RASA3: variants seen among roughly 807,000 people sequenced by gnomAD.
RASA3 encodes RAS p21 protein activator 3, also known as ras GTPase-activating protein 3.
Under a neutral mutation model 110.0 loss-of-function variants are expected in RASA3, and 73 were observed. That is an observed-to-expected ratio of 0.66 (90% CI 0.55 to 0.81). The LOEUF is 0.81. Among genes scored for constraint, RASA3 ranks in the 30% least tolerant of loss-of-function variants. The pLI is 0.00. For missense variants in RASA3, 976 were observed against 1,113.2 expected (o/e 0.88, Z 1.75); for synonymous variants, 500 against 451.4 (o/e 1.11, Z -1.37).
Position 114,132,582 on chromosome 13 carries a change from C to T in RASA3, c.-93G>A. ...AGGAGGAGCGGCGGCGCCGGAGCCCCGAGCGCGGCCGAGGGTCCGCCCGCC... is the reference window on the plus strand; with the variant it reads ...AGGAGGAGCGGCGGCGCCGGAGCCCTGAGCGCGGCCGAGGGTCCGCCCGCC... On this transcript the variant is annotated 5_prime_UTR_variant, in exon 1 of 24. Coordinates refer to ENST00000334062, the MANE Select transcript of RASA3 (RefSeq NM_007368.4). The T allele has an allele frequency of 9.1e-7, 1 of 1,098,098 alleles. No homozygotes were observed. The highest frequency in any genetic ancestry group is 1.1e-6 in the Non-Finnish European group (1 of 876,782). The allele number at this position is 1,098,098 out of a possible 1,614,324, so 68.0% of individuals were successfully genotyped here. A position where few individuals can be genotyped will look rare whatever the true frequency, so the allele number is the denominator to read the frequency against.
chr13:114,104,699 C>T (rs543009353), intron 1 of RASA3, among the ~76,000 whole-genome samples: 17 of 152,144 alleles, frequency 1.1e-4, no homozygotes, highest in Non-Finnish European at 1.9e-4. Flanking sequence ...AATAGCAAAT[C>T]GAAACTTTGG....
At chr13:114,101,900 G>A (rs1395869174) in intron 1 of RASA3, among the ~76,000 whole-genome samples, 1 of 152,164 alleles carries the variant, frequency 6.6e-6, no homozygotes, top group African/African-American at 2.4e-5. Context: ...ACGGCACAAG[G>A]AAATCAACTC....
intron 9 of RASA3, among the ~76,000 whole-genome samples, chr13:114,021,121 G>C (rs1013352665): frequency 6.8e-6 from 1 of 146,958 alleles, no homozygotes; most frequent in Non-Finnish European, 1.5e-5. Context: ...GCTTAGGGCC[G>C]CTTTCACCCA....
At chr13:114,050,736 C>A (rs941305922) in intron 3 of RASA3, among the ~76,000 whole-genome samples, 1 of 152,244 alleles carries the variant, frequency 6.6e-6, no homozygotes, top group Non-Finnish European at 1.5e-5. Context: ...CCTACTAGCC[C>A]GTTTCTCTCA....
intron 2 of RASA3, among the ~76,000 whole-genome samples, chr13:114,071,269 C>T (rs2079568950): frequency 6.6e-6 from 1 of 152,202 alleles, no homozygotes. Flanking sequence ...AGGTGTGAGC[C>T]ACCACACCCG....
At position 114,132,575 on chromosome 13, in the gene RASA3, G is replaced by C; in HGVS notation, c.-86C>G. The stretch of plus-strand genomic sequence containing the variant: ...GCCGAGCAGGAGGAGCGGCGGCGCC[G>C]GAGCCCCGAGCGCGGCCGAGGGTCC... On this transcript the variant is annotated 5_prime_UTR_variant, in exon 1 of 24. Transcript: ENST00000334062. The C allele has an allele frequency of 2.6e-6, 3 of 1,156,938 alleles. No homozygotes were observed. The highest frequency in any genetic ancestry group is 3.2e-6 in the Non-Finnish European group (3 of 926,390). The allele number at this position is 1,156,938 out of a possible 1,614,324, so 71.7% of individuals were successfully genotyped here. A position where few individuals can be genotyped will look rare whatever the true frequency, so the allele number is the denominator to read the frequency against.
chr13:114,068,994 C>T (rs1365922554), intron 2 of RASA3, among the ~76,000 whole-genome samples: 81 of 152,182 alleles, frequency 5.3e-4, no homozygotes, highest in Admixed American at 5.2e-3. Flanking sequence ...CAGACGTCGG[C>T]TCAGCACTCG....
chr13:114,089,777 G>A (rs1369783303), intron 1 of RASA3, among the ~76,000 whole-genome samples: 3 of 152,074 alleles, frequency 2.0e-5, no homozygotes, highest in Non-Finnish European at 2.9e-5. Flanking sequence ...CACGATTGAC[G>A]CGAGCATTTC....
At chr13:114,125,766 C>T (rs1302779142) in intron 1 of RASA3, among the ~76,000 whole-genome samples, 1 of 152,176 alleles carries the variant, frequency 6.6e-6, no homozygotes, top group African/African-American at 2.4e-5. Context: ...CCCCTCCTTT[C>T]CTGCGTGAAC....
intron 3 of RASA3, among the ~76,000 whole-genome samples, chr13:114,045,411 C>A (rs1005379689): frequency 6.6e-6 from 1 of 152,142 alleles, no homozygotes; most frequent in African/African-American, 2.4e-5. Flanking sequence ...AGCCAGGGGT[C>A]TGGAGGGCAT....
intron 16 of RASA3, among the ~76,000 whole-genome samples, chr13:114,010,352 C>T (rs570676339): frequency 6.6e-5 from 10 of 152,040 alleles, no homozygotes; most frequent in Admixed American, 5.9e-4. Context: ...CCGAAGGCAT[C>T]GAACTGCCCT....
At chr13:114,106,369 A>G (rs2080135872) in intron 1 of RASA3, among the ~76,000 whole-genome samples, 1 of 152,242 alleles carries the variant, frequency 6.6e-6, no homozygotes, top group Non-Finnish European at 1.5e-5. Flanking sequence ...CAAAACATCT[A>G]TAAAGCAACA....
chr13:113,988,561 C>A lies in RASA3; in HGVS notation c.2245+3924G>T. 4.4e-5 allele frequency among the ~76,000 whole-genome samples: 2 copies of A among 45,890 alleles called. 1 individual carries two copies. The highest frequency in any genetic ancestry group is 4.0e-4 in the Admixed American group (2 of 4,996). 30.1% of individuals were successfully genotyped at this position (45,890 alleles called of 152,430 possible). ...ACTCACCCATCCATCCATCCACCAT[C>A]ACTCACCCATCCTTCCATCCACCCA... On this transcript the variant is annotated intron_variant, in intron 22 of 23. Coordinates refer to ENST00000334062, the MANE Select transcript of RASA3 (RefSeq NM_007368.4).
intron 1 of RASA3, among the ~76,000 whole-genome samples, chr13:114,116,326 C>A (rs1442074959): frequency 6.6e-6 from 1 of 152,104 alleles, no homozygotes; most frequent in Non-Finnish European, 1.5e-5. Flanking sequence ...ACCGTCCTCA[C>A]TATTAACCTA....
intron 1 of RASA3, among the ~76,000 whole-genome samples, chr13:114,127,184 G>A (rs2080462473): frequency 6.6e-6 from 1 of 152,236 alleles, no homozygotes; most frequent in Non-Finnish European, 1.5e-5. Context: ...ACGCTCCTTA[G>A]CTCCAAATGC....
At chr13:114,002,376 A>G (rs2053425452) in intron 18 of RASA3, among the ~76,000 whole-genome samples, 1 of 152,060 alleles carries the variant, frequency 6.6e-6, no homozygotes, top group Admixed American at 6.5e-5. Context: ...GTTCACAACC[A>G]GTGGATGCCG....
chr13:114,097,702 G>A (rs1270517176), intron 1 of RASA3, among the ~76,000 whole-genome samples: 1 of 152,232 alleles, frequency 6.6e-6, no homozygotes, highest in Non-Finnish European at 1.5e-5. Context: ...GCTCCCCTCT[G>A]CAGGGCCACA....
At position 114,112,886 on chromosome 13, in the gene RASA3, G is replaced by C. The variant is rs955921923; in HGVS notation, c.55+19549C>G. 1.3e-5 allele frequency among the ~76,000 whole-genome samples: 2 copies of C among 152,192 alleles called. No homozygotes were observed. Among genetic ancestry groups the C allele is most frequent in the African/African-American group, 4.8e-5 (2 of 41,458 alleles). On this transcript the variant is annotated intron_variant, in intron 1 of 23. Coordinates refer to ENST00000334062, the MANE Select transcript of RASA3 (RefSeq NM_007368.4). The surrounding 1 kb of genome is among the most constrained non-coding windows in gnomAD (Gnocchi z 4.8). ...AACACTCGCCGTTCAGAGAGTGAAT[G>C]AGAGGCCAGCAGGGGGCTGGGAAGG...
At chr13:114,012,245 C>T (rs973537345) in intron 15 of RASA3, among the ~76,000 whole-genome samples, 4 of 152,068 alleles carry the variant, frequency 2.6e-5, no homozygotes, top group African/African-American at 9.7e-5. Flanking sequence ...CCAGAACGTA[C>T]ACAGCTTAAA....
Sources: gnomAD v4.1 joint callset for allele counts (sites outside exome capture counted in the v4.1 genomes callset) on GRCh38, gnomAD v4.1.1 for gene constraint, Gnocchi (gnomAD v3.1) non-coding constraint, MANE v1.5 for transcripts, NCBI Gene and HGNC (gene_info 2026-07-23, HGNC 2026-07-21) for gene names.